The following DOCK11 variants were observed in gnomAD, a reference collection of about 807,000 sequenced individuals.
The protein encoded by DOCK11 is dedicator of cytokinesis 11.
Under a neutral mutation model 169.1 loss-of-function variants are expected in DOCK11, and 70 were observed. The observed-to-expected ratio is 0.41, with a 90% confidence interval of 0.34 to 0.51. The LOEUF (loss-of-function observed/expected upper bound fraction) is 0.51, where lower values mean the gene tolerates loss of function less well. Among genes scored for constraint, DOCK11 ranks in the 20% least tolerant of loss-of-function variants. The probability of loss-of-function intolerance (pLI) is 0.10; values close to 1 mark genes in which losing one functional copy is unlikely to be tolerated. For missense variants in DOCK11, 1,166 were observed against 1,538.8 expected, an observed-to-expected ratio of 0.76 and a Z score of 4.05; for synonymous variants, 529 against 541.3, an observed-to-expected ratio of 0.98 and a Z score of 0.32.
intron 6 of DOCK11, among the ~76,000 whole-genome samples, chrX:118,561,091 T>C (rs1006141821): frequency 2.7e-5 from 3 of 112,359 alleles, no homozygotes; most frequent in African/African-American, 9.7e-5. Flanking sequence ...AAAAGAATGC[T>C]ATAGTGAAAG....
At chrX:118,539,351 T>C (rs1013130161) in intron 1 of DOCK11, among the ~76,000 whole-genome samples, 2 of 111,614 alleles carry the variant, frequency 1.8e-5, no homozygotes, top group Non-Finnish European at 3.8e-5. Context: ...AGACAAATAC[T>C]GCATGATCTC....
At chrX:118,650,699 G>C (rs972835812) in intron 41 of DOCK11, among the ~76,000 whole-genome samples, 4 of 111,679 alleles carry the variant, frequency 3.6e-5, no homozygotes, top group Admixed American at 2.9e-4. Context: ...GTTCTAATTT[G>C]TGTGCCAATA....
At chrX:118,671,245 T>C in intron 46 of DOCK11, 100 bp downstream of exon 46, 1 of 780,529 alleles carries the variant, frequency 1.3e-6, no homozygotes, top group East Asian at 3.3e-5. Context: ...ACTTGTGTCC[T>C]CTGAAGAATA....
chrX:118,623,304 T>C (rs747399851), intron 31 of DOCK11, among the ~76,000 whole-genome samples: 1 of 112,676 alleles, frequency 8.9e-6, no homozygotes, highest in South Asian at 3.7e-4. Flanking sequence ...AATAGACTTA[T>C]TCTTTGTAGC....
chrX:118,512,587 A>G (rs887962817), intron 1 of DOCK11, among the ~76,000 whole-genome samples: 6 of 111,999 alleles, frequency 5.4e-5, no homozygotes, highest in African/African-American at 2.0e-4. Context: ...CTTGTATGCC[A>G]TTCAGCATAT....
Position 118,618,634 on chromosome X carries a change from C to T in DOCK11, c.3377C>T (p.Ala1126Val), listed in dbSNP as rs772251973. 2.5e-6 allele frequency: 3 copies of T among 1,206,385 alleles called. No homozygotes were observed. The highest frequency in any genetic ancestry group is 2.2e-6 in the Non-Finnish European group (2 of 891,200). The change falls in exon 31 of 53, where the codon GCT becomes GTT. Residue 1126 changes from alanine (A) to valine (V), a missense_variant. Coordinates refer to ENST00000276202, the MANE Select transcript of DOCK11 (RefSeq NM_144658.4). ...VGLLLRETSIALQDNYEIRYT... is the reference protein window; with the variant it reads ...VGLLLRETSIVLQDNYEIRYT... ...CTACTTCTGAGGGAAACTTCCATTGCTCTTCAGGACAATTATGAGATCAGA... is the reference window on the plus strand; with the variant it reads ...CTACTTCTGAGGGAAACTTCCATTGTTCTTCAGGACAATTATGAGATCAGA...
intron 44 of DOCK11, 147 bp from the exon 45 acceptor site, chrX:118,662,539 A>T (rs1440098914): frequency 9.9e-6 from 4 of 402,541 alleles, no homozygotes; most frequent in Non-Finnish European, 1.3e-5. Flanking sequence ...CAAATTTAAA[A>T]ATTTTTGTAA....
intron 29 of DOCK11, 41 bp downstream of exon 29, chrX:118,614,816 T>G (rs1250341693): frequency 2.1e-6 from 2 of 932,987 alleles, no homozygotes; most frequent in East Asian, 3.1e-5. Context: ...GTCAGACATC[T>G]GAGCATAAGA....
At chrX:118,578,914 G>C (rs777309327) in intron 13 of DOCK11, among the ~76,000 whole-genome samples, 1 of 111,886 alleles carries the variant, frequency 8.9e-6, no homozygotes, top group Non-Finnish European at 1.9e-5. Flanking sequence ...CTTGACAATA[G>C]CCGTTCTTTT....
chrX:118,665,382 C>T (rs2016316758), intron 45 of DOCK11, among the ~76,000 whole-genome samples: 1 of 111,924 alleles, frequency 8.9e-6, no homozygotes, highest in African/African-American at 3.3e-5. Flanking sequence ...TCCCAGAGAC[C>T]TGCAGGTTTT....
chrX:118,510,731 C>T (rs1383431638), intron 1 of DOCK11, among the ~76,000 whole-genome samples: 1 of 111,626 alleles, frequency 9.0e-6, no homozygotes, highest in African/African-American at 3.3e-5. Context: ...GTAAGAGATG[C>T]TTTGCCCAGC....
intron 12 of DOCK11, among the ~76,000 whole-genome samples, chrX:118,576,565 T>C (rs962726895): frequency 8.9e-6 from 1 of 111,905 alleles, no homozygotes; most frequent in African/African-American, 3.3e-5. Context: ...AGTACCTGTC[T>C]CCAAGGGCTG....
chrX:118,666,997 T>C (rs1316083477), intron 45 of DOCK11, among the ~76,000 whole-genome samples: 1 of 112,182 alleles, frequency 8.9e-6, no homozygotes, highest in Non-Finnish European at 1.9e-5. Flanking sequence ...TTTTCAGGTG[T>C]TCCTTGGCCT....
At chrX:118,560,044 G>A (rs1188798029) in intron 6 of DOCK11, among the ~76,000 whole-genome samples, 5 of 110,050 alleles carry the variant, frequency 4.5e-5, no homozygotes, top group African/African-American at 1.3e-4. Flanking sequence ...GCCCCTTCCC[G>A]AGATAGAAGC....
intron 1 of DOCK11, among the ~76,000 whole-genome samples, chrX:118,511,212 A>G (rs908507851): frequency 1.8e-5 from 2 of 112,640 alleles, no homozygotes; most frequent in Non-Finnish European, 3.7e-5. Context: ...AAATCATTAT[A>G]GAAAAGGTTG....
intron 46 of DOCK11, among the ~76,000 whole-genome samples, chrX:118,672,023 G>A (rs1044994201): frequency 3.6e-5 from 4 of 112,227 alleles, no homozygotes; most frequent in African/African-American, 1.3e-4. Flanking sequence ...CTCTCAGAGC[G>A]TAAAATAATC....
intron 39 of DOCK11, 109 bp from the exon 40 acceptor site, chrX:118,643,348 C>A: frequency 1.3e-6 from 1 of 780,314 alleles, no homozygotes; most frequent in Non-Finnish European, 1.8e-6. Context: ...TATGCAAGAG[C>A]CTTTTATTTT....
intron 1 of DOCK11, among the ~76,000 whole-genome samples, chrX:118,540,789 C>T (rs2011962970): frequency 8.9e-6 from 1 of 111,883 alleles, no homozygotes; most frequent in African/African-American, 3.2e-5. Flanking sequence ...GAGACTACCT[C>T]AAATACTATG....
At chrX:118,545,771 C>G (rs1247054846) in intron 5 of DOCK11, among the ~76,000 whole-genome samples, 1 of 111,218 alleles carries the variant, frequency 9.0e-6, no homozygotes, top group East Asian at 2.8e-4. Context: ...AGGTGCAGTT[C>G]GACTGTTTAC....
Sources: allele counts gnomAD v4.1 joint callset (sites outside exome capture counted in the v4.1 genomes callset), GRCh38; gene constraint gnomAD v4.1.1; transcripts MANE v1.5; gene names NCBI Gene and HGNC (gene_info 2026-07-23, HGNC 2026-07-21).